The following ADAM23 variants were observed in gnomAD, a reference collection of about 807,000 sequenced individuals.
ADAM23 encodes the protein ADAM metallopeptidase domain 23.
Under a neutral mutation model 120.1 loss-of-function variants are expected in ADAM23, and 33 were observed. The observed-to-expected ratio is 0.27, with a 90% CI of 0.21 to 0.37. ADAM23 has a LOEUF of 0.37. Among genes scored for constraint, ADAM23 ranks in the 10% least tolerant of loss-of-function variants. The pLI is 1.00. For synonymous variants in ADAM23, 367 were observed against 375.2 expected, an observed-to-expected ratio of 0.98 and a Z score of 0.25; for missense variants, 862 against 1,058.2, an observed-to-expected ratio of 0.81 and a Z score of 2.57.
rs571507394 is a variant in ADAM23 at position 206,489,334 on chromosome 2, C to T, written c.509+8026C>T. 3.3e-5 allele frequency among the ~76,000 whole-genome samples: 5 copies of T among 152,288 alleles called. No individual in the cohort carries two copies. The South Asian group carries it at 1.0e-3, about 32-fold the overall frequency. ...GCTCACTGCTGTCATTTCTCTTACA[C>T]ATCTGAGAGAGGGAATCAGGGAAGG... On this transcript the variant is annotated intron_variant, in intron 3 of 25. Coordinates refer to ENST00000264377, the MANE Select transcript of ADAM23 (RefSeq NM_003812.4).
chr2:206,473,185 T>C (rs1220092943), intron 2 of ADAM23, among the ~76,000 whole-genome samples: 2 of 152,208 alleles, frequency 1.3e-5, no homozygotes, highest in Non-Finnish European at 2.9e-5. Flanking sequence ...ATCTTGTGTT[T>C]TACTTTAAAA....
chr2:206,456,210 A>G (rs777725044), intron 2 of ADAM23, among the ~76,000 whole-genome samples: 1 of 152,134 alleles, frequency 6.6e-6, no homozygotes, highest in Non-Finnish European at 1.5e-5. Flanking sequence ...GCAAAGGGGA[A>G]GCATGCACAC....
At chr2:206,517,980 A>G (rs1043059693) in intron 3 of ADAM23, among the ~76,000 whole-genome samples, 7 of 152,184 alleles carry the variant, frequency 4.6e-5, no homozygotes, top group Non-Finnish European at 7.4e-5. Flanking sequence ...TGCTTCTGGA[A>G]TCTTACAAAG....
At chr2:206,607,100 G>A (rs991193000) in intron 24 of ADAM23, 3 of 152,236 alleles carry the variant, frequency 2.0e-5, no homozygotes, top group South Asian at 2.1e-4. Flanking sequence ...GATGACATGA[G>A]CCTTCTTTCT....
intron 2 of ADAM23, among the ~76,000 whole-genome samples, chr2:206,472,465 T>G (rs941393550): frequency 1.3e-5 from 2 of 151,442 alleles, no homozygotes; most frequent in East Asian, 3.9e-4. Flanking sequence ...AAACAAAAAT[T>G]AGCTGGGTGT....
At chr2:206,507,414 C>T (rs925348846) in intron 3 of ADAM23, among the ~76,000 whole-genome samples, 5 of 152,130 alleles carry the variant, frequency 3.3e-5, no homozygotes, top group Admixed American at 6.5e-5. Flanking sequence ...GCACCACCCC[C>T]CTTGCATCCT....
intron 2 of ADAM23, among the ~76,000 whole-genome samples, chr2:206,449,200 A>G (rs1695142320): frequency 6.6e-6 from 1 of 152,216 alleles, no homozygotes. Context: ...GTGTGAGACT[A>G]GAGAAGGAAA....
intron 18 of ADAM23, among the ~76,000 whole-genome samples, chr2:206,575,468 A>G (rs978964126): frequency 3.3e-5 from 5 of 152,222 alleles, no homozygotes; most frequent in African/African-American, 1.2e-4. Context: ...TTAGTAGTAT[A>G]GAAGTGAACA....
chr2:206,615,286 ATGAT>A (rs1237436264), intron 25 of ADAM23, among the ~76,000 whole-genome samples: 1 of 152,182 alleles, frequency 6.6e-6, no homozygotes, highest in African/African-American at 2.4e-5. Context: ...GTGTTTTATA[ATGAT>A]CCAGAAATAC....
chr2:206,614,685 A>G (rs1195529635), intron 25 of ADAM23, among the ~76,000 whole-genome samples: 1 of 152,240 alleles, frequency 6.6e-6, no homozygotes, highest in African/African-American at 2.4e-5. Context: ...ATGTCAAGTC[A>G]GATAAAATTT....
At chr2:206,508,686 G>C (rs916538914) in intron 3 of ADAM23, among the ~76,000 whole-genome samples, 3 of 148,776 alleles carry the variant, frequency 2.0e-5, no homozygotes, top group Non-Finnish European at 4.5e-5. Context: ...AGAAAAAGAA[G>C]AAAGAAAAGG....
chr2:206,605,557 C>T (rs1011438111), intron 24 of ADAM23, among the ~76,000 whole-genome samples: 4 of 152,060 alleles, frequency 2.6e-5, no homozygotes, highest in Admixed American at 1.3e-4. Context: ...TTTATAAGTA[C>T]GTATAAGATA....
Position 206,589,402 on chromosome 2 carries a change from C to G in ADAM23, c.1853-7C>G, listed in dbSNP as rs759521028. 1.7e-5 allele frequency: 27 copies of G among 1,611,338 alleles called. No individual in the cohort carries two copies. The highest frequency in any genetic ancestry group is 2.3e-5 in the Non-Finnish European group (27 of 1,178,670). On this transcript the variant is annotated splice_polypyrimidine_tract_variant and splice_region_variant and intron_variant, in intron 20 of 25. Coordinates refer to ENST00000264377, the MANE Select transcript of ADAM23 (RefSeq NM_003812.4). ...ATTAATTTTCTTCTCTTGCCTATCTCCAAAAGAGGCTGCAGGGTCTGACAA... is the reference window on the plus strand; with the variant it reads ...ATTAATTTTCTTCTCTTGCCTATCTGCAAAAGAGGCTGCAGGGTCTGACAA...
intron 2 of ADAM23, among the ~76,000 whole-genome samples, chr2:206,449,051 A>G (rs11683691): frequency 0.37 from 55,819 of 151,888 alleles, 10,371 homozygotes; most frequent in Middle Eastern, 0.41. Flanking sequence ...AGTGGATCTG[A>G]CGCTGTCTCC....
chr2:206,574,326 T>A (rs1698069028), intron 18 of ADAM23, among the ~76,000 whole-genome samples: 1 of 152,096 alleles, frequency 6.6e-6, no homozygotes, highest in East Asian at 1.9e-4. Flanking sequence ...TTGTTTTATG[T>A]TTTATTTTGC....
At chr2:206,514,450 C>T (rs1201850798) in intron 3 of ADAM23, among the ~76,000 whole-genome samples, 4 of 151,982 alleles carry the variant, frequency 2.6e-5, no homozygotes, top group African/African-American at 7.2e-5. Flanking sequence ...AAGTGGAGCC[C>T]GAAGATGTGA....
intron 2 of ADAM23, among the ~76,000 whole-genome samples, chr2:206,465,105 G>C (rs1338228578): frequency 1.3e-5 from 2 of 152,102 alleles, no homozygotes; most frequent in Admixed American, 6.5e-5. Flanking sequence ...GAGTGCAGTG[G>C]TGTGATCGTT....
intron 3 of ADAM23, among the ~76,000 whole-genome samples, chr2:206,499,732 T>C (rs1234089932): frequency 6.6e-6 from 1 of 152,176 alleles, no homozygotes; most frequent in Non-Finnish European, 1.5e-5. Flanking sequence ...AAATCACTAA[T>C]GTTCTCATGT....
chr2:206,443,863 A>G lies in ADAM23; in HGVS notation c.-4A>G. 1 of 1,132,044 alleles carries G rather than the reference A, an allele frequency of 8.8e-7. No homozygotes were observed. 70.1% of individuals were successfully genotyped at this position (1,132,044 alleles called of 1,614,324 possible). A position where few individuals can be genotyped will look rare whatever the true frequency, so the allele number is the denominator to read the frequency against. ...CACGGAGCGGCGCCCGGGAGCTATG[A>G]GCCATGAAGCCGCCCGGCAGCAGCT... On this transcript the variant is annotated 5_prime_UTR_variant, in exon 1 of 26. Coordinates refer to ENST00000264377, the MANE Select transcript of ADAM23 (RefSeq NM_003812.4).
Sources: gnomAD v4.1 joint callset for allele counts (sites outside exome capture counted in the v4.1 genomes callset) on GRCh38, gnomAD v4.1.1 for gene constraint, MANE v1.5 for transcripts, NCBI Gene and HGNC (gene_info 2026-07-23, HGNC 2026-07-21) for gene names.